The following CLDN10 variants were observed in gnomAD, a reference collection of about 807,000 sequenced individuals.
CLDN10 encodes claudin-10.
A neutral mutation model predicts 22.9 loss-of-function variants in CLDN10; 15 were observed. The observed-to-expected ratio is 0.65, with a 90% CI of 0.44 to 1.01. The LOEUF (loss-of-function observed/expected upper bound fraction) is 1.01. Among genes scored for constraint, CLDN10 ranks in the 50% least tolerant of loss-of-function variants. CLDN10 has a pLI of 0.00. For missense variants in CLDN10, 247 were observed against 287.8 expected, an observed-to-expected ratio of 0.86 and a Z score of 1.03; for synonymous variants, 114 against 111.4, an observed-to-expected ratio of 1.02 and a Z score of -0.15.
chr13:95,445,330 TA>T lies in CLDN10; in HGVS notation c.214+11285del, dbSNP rs1346433497. On this transcript the variant is annotated intron_variant, in intron 1 of 4. Coordinates refer to the CLDN10 transcript ENST00000376873. ...TAACAAAAGCTCCCAAAGGGACCTT[TA>T]AGCCCTACAAAGGGATCCAGACTTT... is the stretch of plus-strand genomic sequence containing the variant. Among the ~76,000 whole-genome samples the T allele has an allele frequency of 2.0e-5, 3 of 152,320 alleles. No individual in the cohort carries two copies. In the East Asian group the frequency reaches 5.8e-4, roughly 29 times the overall value.
intron 1 of CLDN10, among the ~76,000 whole-genome samples, chr13:95,438,880 G>A (rs939922940): frequency 2.0e-5 from 3 of 149,258 alleles, no homozygotes; most frequent in Non-Finnish European, 3.0e-5. Flanking sequence ...TTGGGAGGCT[G>A]AGGAAGGAGA....
chr13:95,570,547 A>G (rs952410333), intron 3 of CLDN10, among the ~76,000 whole-genome samples: 2 of 152,046 alleles, frequency 1.3e-5, no homozygotes, highest in Non-Finnish European at 2.9e-5. Flanking sequence ...TGATCACTTT[A>G]CACACTATTA....
intron 1 of CLDN10, among the ~76,000 whole-genome samples, chr13:95,467,785 CTGAGAAACAGCAGAGCTGAT>C (rs1421841078): frequency 6.6e-6 from 1 of 152,172 alleles, no homozygotes; most frequent in Non-Finnish European, 1.5e-5. Flanking sequence ...ATCTGAAAAA[CTGAGAAACAGCAGAGCTGAT>C]GGTGTGGTTC....
Position 95,452,350 on chromosome 13 carries a change from C to G in CLDN10, c.214+18303C>G, listed in dbSNP as rs570953394. On this transcript the variant is annotated intron_variant, in intron 1 of 4. Transcript: ENST00000376873. ...TTGGAAAGGTACTGCTGAGAAAAAT[C>G]ATAATTTATTATTATTTTTATTTTT... Among the ~76,000 whole-genome samples the G allele has an allele frequency of 3.3e-5, 5 of 152,220 alleles. No homozygotes were observed. The South Asian group carries it at 1.0e-3, about 32-fold the overall frequency.
At chr13:95,458,665 A>AGGGATTATG (rs1489233052) in intron 1 of CLDN10, among the ~76,000 whole-genome samples, 6 of 152,164 alleles carry the variant, frequency 3.9e-5, no homozygotes, top group South Asian at 4.1e-4. Flanking sequence ...CTTGACACAC[A>AGGGATTATG]GGGATTATGG....
intron 1 of CLDN10, among the ~76,000 whole-genome samples, chr13:95,503,070 T>G (rs770431572): frequency 2.6e-5 from 4 of 152,226 alleles, no homozygotes; most frequent in Non-Finnish European, 5.9e-5. Context: ...GCTCAAATGC[T>G]TCCTGTGTAG....
rs542618360 is a variant in CLDN10 at position 95,473,777 on chromosome 13, T to C, written c.214+39730T>C. Among the ~76,000 whole-genome samples the C allele has an allele frequency of 8.5e-5, 13 of 152,270 alleles. 1 individual carries two copies. The highest frequency in any genetic ancestry group is 3.1e-4 in the African/African-American group (13 of 41,564). ...ATGCTGCTGGTTCAGGGACCACATCTGGAGAATCACCGGTGAACTCATTTC... is the reference window on the plus strand; with the variant it reads ...ATGCTGCTGGTTCAGGGACCACATCCGGAGAATCACCGGTGAACTCATTTC... On this transcript the variant is annotated intron_variant, in intron 1 of 4. Coordinates refer to the CLDN10 transcript ENST00000376873.
At chr13:95,512,145 T>TTG (rs2043109853) in intron 1 of CLDN10, among the ~76,000 whole-genome samples, 23 of 89,222 alleles carry the variant, frequency 2.6e-4, no homozygotes, top group Non-Finnish European at 4.6e-4. Flanking sequence ...TTTGTTTGTT[T>TTG]GTGTTCTGTT....
chr13:95,546,908 G>A (rs9561900), intron 1 of CLDN10, among the ~76,000 whole-genome samples: 68,807 of 151,796 alleles, frequency 0.45, 16,308 homozygotes, highest in African/African-American at 0.6. Flanking sequence ...TCTCTTTGCA[G>A]TTTCTGTTCC....
At chr13:95,506,620 G>T (rs894515949) in intron 1 of CLDN10, among the ~76,000 whole-genome samples, 1 of 152,142 alleles carries the variant, frequency 6.6e-6, no homozygotes, top group African/African-American at 2.4e-5. Flanking sequence ...TCTGCTCAAG[G>T]TGGACCCGTT....
chr13:95,457,568 T>C (rs1594531751), intron 1 of CLDN10, among the ~76,000 whole-genome samples: 1 of 152,158 alleles, frequency 6.6e-6, no homozygotes, highest in South Asian at 2.1e-4. Context: ...TTCCATTCTC[T>C]AGTTTCCTAC....
At chr13:95,502,768 G>A (rs918776316) in intron 1 of CLDN10, among the ~76,000 whole-genome samples, 6 of 152,092 alleles carry the variant, frequency 3.9e-5, no homozygotes, top group African/African-American at 1.2e-4. Context: ...TGATCCGCCC[G>A]CCTCAGCCTC....
intron 1 of CLDN10, among the ~76,000 whole-genome samples, chr13:95,555,882 G>T (rs1441030845): frequency 6.6e-6 from 1 of 152,054 alleles, no homozygotes; most frequent in Non-Finnish European, 1.5e-5. Flanking sequence ...TGGAGAAAGT[G>T]GCCATGGTGG....
chr13:95,523,575 G>A (rs1032784199), intron 1 of CLDN10, among the ~76,000 whole-genome samples: 6 of 151,306 alleles, frequency 4.0e-5, no homozygotes, highest in Middle Eastern at 3.4e-3. Flanking sequence ...TTATCTCAAC[G>A]TTCATTTGTC....
chr13:95,516,802 T>C (rs2043171861), intron 1 of CLDN10, among the ~76,000 whole-genome samples: 1 of 152,150 alleles, frequency 6.6e-6, no homozygotes, highest in Non-Finnish European at 1.5e-5. Context: ...ATCTTTAATA[T>C]AAGTTTCTGA....
At chr13:95,498,717 T>C (rs2042953363) in intron 1 of CLDN10, among the ~76,000 whole-genome samples, 1 of 152,204 alleles carries the variant, frequency 6.6e-6, no homozygotes, top group African/African-American at 2.4e-5. Flanking sequence ...TTATAATTTT[T>C]AAATTGTGAT....
chr13:95,524,861 T>TTA (rs370827702), intron 1 of CLDN10, among the ~76,000 whole-genome samples: 14,777 of 98,412 alleles, frequency 0.15, 904 homozygotes, highest in Middle Eastern at 0.19. Flanking sequence ...ATTTATTTAT[T>TTA]TTTATTTTTT....
chr13:95,492,610 A>T (rs2042885354), intron 1 of CLDN10, among the ~76,000 whole-genome samples: 1 of 152,124 alleles, frequency 6.6e-6, no homozygotes, highest in African/African-American at 2.4e-5. Flanking sequence ...GTGGAAGAAA[A>T]GGGCTTCAGT....
At chr13:95,554,333 C>T (rs909934556) in intron 1 of CLDN10, among the ~76,000 whole-genome samples, 1 of 152,212 alleles carries the variant, frequency 6.6e-6, no homozygotes, top group Non-Finnish European at 1.5e-5. Context: ...TGTTGTAACT[C>T]TATTGTTCTC....
Sources: allele counts gnomAD v4.1 joint callset (sites outside exome capture counted in the v4.1 genomes callset), GRCh38; gene constraint gnomAD v4.1.1; transcripts MANE v1.5; gene names NCBI Gene and HGNC (gene_info 2026-07-23, HGNC 2026-07-21).